GAS7: variants seen among roughly 807,000 people sequenced by gnomAD.
GAS7 encodes growth arrest specific 7, also known as growth arrest-specific protein 7.
In GAS7, 28 loss-of-function variants were observed where a neutral mutation model predicts 71.1. That is an observed-to-expected ratio of 0.39 (90% CI 0.29 to 0.54). The LOEUF (loss-of-function observed/expected upper bound fraction) is 0.54, where lower values mean the gene tolerates loss of function less well. Among genes scored for constraint, GAS7 ranks in the 20% least tolerant of loss-of-function variants. GAS7 has a pLI of 0.62. For missense variants in GAS7, 436 were observed against 627.8 expected (o/e 0.69, Z 3.27); for synonymous variants, 258 against 245.8 (o/e 1.05, Z -0.46).
Position 9,916,661 on chromosome 17 carries a change from C to T in GAS7, c.*567G>A, listed in dbSNP as rs185198004. ...CAGGAGCCAAGCCTTCCTCCTAAAACCCCTGGTGATGAACAGTGGCTGAGA... is the reference window on the plus strand; with the variant it reads ...CAGGAGCCAAGCCTTCCTCCTAAAATCCCTGGTGATGAACAGTGGCTGAGA... On this transcript the variant is annotated 3_prime_UTR_variant, in exon 14 of 14. Coordinates refer to ENST00000432992, the MANE Select transcript of GAS7 (RefSeq NM_201433.2). 6 of 323,074 alleles carry T rather than the reference C, an allele frequency of 1.9e-5. No individual in the cohort carries two copies. The East Asian group carries it at 2.8e-4, about 15-fold the overall frequency. 20.0% of individuals were successfully genotyped at this position (323,074 alleles called of 1,614,324 possible). A position where few individuals can be genotyped will look rare whatever the true frequency, so the allele number is the denominator to read the frequency against.
intron 1 of GAS7, among the ~76,000 whole-genome samples, chr17:10,051,543 C>A (rs981486088): frequency 6.6e-6 from 1 of 152,068 alleles, no homozygotes; most frequent in Non-Finnish European, 1.5e-5. Context: ...AGCCATTAGA[C>A]AAAGAGAAAG....
intron 7 of GAS7, 54 bp from the exon 8 acceptor site, chr17:9,940,254 TCTGCCCTG>T: frequency 7.5e-7 from 1 of 1,336,592 alleles, no homozygotes; most frequent in South Asian, 1.2e-5. Context: ...AGATCGTGGG[TCTGCCCTG>T]CTGCCCTGCA....
At chr17:9,917,587 G>T (rs1191353692) in intron 13 of GAS7, among the ~76,000 whole-genome samples, 2 of 152,212 alleles carry the variant, frequency 1.3e-5, no homozygotes, top group Non-Finnish European at 2.9e-5. Context: ...GGCCAGGAGG[G>T]CCTTAAAACC....
At chr17:9,960,485 C>A (rs2069440650) in intron 4 of GAS7, among the ~76,000 whole-genome samples, 1 of 152,238 alleles carries the variant, frequency 6.6e-6, no homozygotes, top group African/African-American at 2.4e-5. Context: ...CCACTGCGGC[C>A]AGTCTGGCCT....
At chr17:10,121,552 T>C (rs1203776893) in intron 1 of GAS7, among the ~76,000 whole-genome samples, 2 of 152,136 alleles carry the variant, frequency 1.3e-5, no homozygotes, top group Non-Finnish European at 2.9e-5. Context: ...ACAGGTCTAT[T>C]GTGAGGATTA....
chr17:10,103,603 ATCACCTGAGGTCAGGAGT>A lies in GAS7; in HGVS notation c.184-83724_184-83707del, dbSNP rs2073728184. Among the ~76,000 whole-genome samples, 1 of 152,136 alleles carries A rather than the reference ATCACCTGAGGTCAGGAGT, an allele frequency of 6.6e-6. No individual in the cohort carries two copies. Among genetic ancestry groups the A allele is most frequent in the African/African-American group, 2.4e-5 (1 of 41,430 alleles). ...CACTTTGGGAGGCCGAGGTGGGCGG[ATCACCTGAGGTCAGGAGT>A]TCAAGACCAGCCTGGCCAACATGGA... On this transcript the variant is annotated intron_variant, in intron 1 of 13. Coordinates refer to ENST00000432992, the MANE Select transcript of GAS7 (RefSeq NM_201433.2). This position sits in a 1 kb window ranked among gnomAD's most constrained non-coding sequence, Gnocchi z 5.5.
intron 2 of GAS7, among the ~76,000 whole-genome samples, chr17:9,989,077 C>T (rs1468880790): frequency 6.6e-6 from 1 of 152,094 alleles, no homozygotes; most frequent in Non-Finnish European, 1.5e-5. Context: ...TCTCGATCTC[C>T]TGACCTCATG....
At chr17:10,176,444 C>A (rs548084971) in intron 1 of GAS7, among the ~76,000 whole-genome samples, 1 of 152,352 alleles carries the variant, frequency 6.6e-6, no homozygotes, top group South Asian at 2.1e-4. Flanking sequence ...TACACAGCCA[C>A]CATCACCTTC....
chr17:10,124,579 T>C (rs1338535144), intron 1 of GAS7, among the ~76,000 whole-genome samples: 5 of 152,272 alleles, frequency 3.3e-5, no homozygotes, highest in Middle Eastern at 6.8e-3. Flanking sequence ...AGCCAGCGAA[T>C]GGGGCACTGG....
At chr17:9,983,510 G>A (rs566927278) in intron 2 of GAS7, among the ~76,000 whole-genome samples, 4 of 149,422 alleles carry the variant, frequency 2.7e-5, no homozygotes, top group African/African-American at 9.9e-5. Context: ...AAATAGGCCG[G>A]GCGCGGTGGC....
At chr17:9,996,027 GA>G (rs1225412192) in intron 2 of GAS7, among the ~76,000 whole-genome samples, 1 of 152,162 alleles carries the variant, frequency 6.6e-6, no homozygotes, top group Non-Finnish European at 1.5e-5. Flanking sequence ...CAAATGTGCC[GA>G]AAGAATACAC....
At chr17:10,092,723 GC>G (rs1175893676) in intron 1 of GAS7, among the ~76,000 whole-genome samples, 3 of 152,160 alleles carry the variant, frequency 2.0e-5, no homozygotes, top group Non-Finnish European at 4.4e-5. Context: ...GGAGGGCCAC[GC>G]CCCCCTTGGA....
rs937945439 is a variant in GAS7 at position 10,103,454 on chromosome 17, T to C, written c.184-83557A>G. Among the ~76,000 whole-genome samples, 15 of 152,184 alleles carry C rather than the reference T, an allele frequency of 9.9e-5. No homozygotes were observed. Among genetic ancestry groups the C allele is most frequent in the African/African-American group, 3.6e-4 (15 of 41,458 alleles). On this transcript the variant is annotated intron_variant, in intron 1 of 13. Coordinates refer to ENST00000432992, the MANE Select transcript of GAS7 (RefSeq NM_201433.2). The surrounding 1 kb of genome is among the most constrained non-coding windows in gnomAD (Gnocchi z 5.5). ...CCCTACTCTAGCTGCCCAGTGAGAC[T>C]GTTTTCCATTTTCCAAAACAACGAT...
chr17:9,959,354 A>C lies in GAS7; in HGVS notation c.472-99T>G. 1.3e-6 allele frequency: 2 copies of C among 1,576,304 alleles called. No individual in the cohort carries two copies. Among genetic ancestry groups the C allele is most frequent in the Non-Finnish European group, 1.7e-6 (2 of 1,159,712 alleles). Reference sequence around the variant, plus strand: ...CTGAGGGTGGAGGCGCTGGGGAATCAGGGATGCTCAGTCTGAATCCTAAGT... The same window carrying C: ...CTGAGGGTGGAGGCGCTGGGGAATCCGGGATGCTCAGTCTGAATCCTAAGT... On this transcript the variant is annotated intron_variant, in intron 4 of 13. Coordinates refer to ENST00000432992, the MANE Select transcript of GAS7 (RefSeq NM_201433.2). This position sits in a 1 kb window ranked among gnomAD's most constrained non-coding sequence, Gnocchi z 5.0.
chr17:9,974,169 G>A lies in GAS7; in HGVS notation c.386-4407C>T, dbSNP rs1454359182. On this transcript the variant is annotated intron_variant, in intron 3 of 13. Coordinates refer to ENST00000432992, the MANE Select transcript of GAS7 (RefSeq NM_201433.2). This position sits in a 1 kb window ranked among gnomAD's most constrained non-coding sequence, Gnocchi z 4.0. ...TTACTGCTCATGTCAAAACAATTAC[G>A]AGGAAAGAAAACACAGTTTTCCATT... Among the ~76,000 whole-genome samples, 1 of 152,142 alleles carries A rather than the reference G, an allele frequency of 6.6e-6. No individual in the cohort carries two copies. The highest frequency in any genetic ancestry group is 1.5e-5 in the Non-Finnish European group (1 of 68,040).
At chr17:10,085,950 ATCC>A (rs544377316) in intron 1 of GAS7, among the ~76,000 whole-genome samples, 56 of 152,308 alleles carry the variant, frequency 3.7e-4, no homozygotes, top group Non-Finnish European at 5.7e-4. Context: ...TTGTCACTTC[ATCC>A]TCCTGCCTCG....
At chr17:10,186,530 A>G (rs553784449) in intron 1 of GAS7, among the ~76,000 whole-genome samples, 2 of 150,666 alleles carry the variant, frequency 1.3e-5, no homozygotes, top group Admixed American at 1.3e-4. Context: ...CAGCCTCCTG[A>G]GTAGCTGGGA....
At chr17:10,187,508 C>T (rs191987562) in intron 1 of GAS7, among the ~76,000 whole-genome samples, 1 of 152,316 alleles carries the variant, frequency 6.6e-6, no homozygotes, top group East Asian at 1.9e-4. Context: ...CAGTTACTCG[C>T]TTTGCTCATC....
intron 2 of GAS7, among the ~76,000 whole-genome samples, chr17:9,996,622 C>CAT (rs922621709): frequency 3.4e-5 from 5 of 148,504 alleles, no homozygotes; most frequent in African/African-American, 7.4e-5. Context: ...TATATACACA[C>CAT]ATATATATAT....
Sources: allele counts gnomAD v4.1 joint callset (sites outside exome capture counted in the v4.1 genomes callset), GRCh38; gene constraint gnomAD v4.1.1; non-coding constraint Gnocchi (gnomAD v3.1); transcripts MANE v1.5; gene names NCBI Gene and HGNC (gene_info 2026-07-23, HGNC 2026-07-21).